Variants in PDE10A observed in about 807,000 individuals in gnomAD.
PDE10A encodes phosphodiesterase 10A, also known as cAMP and cAMP-inhibited cGMP 3',5'-cyclic phosphodiesterase 10A.
Under a neutral mutation model 97.7 loss-of-function variants are expected in PDE10A, and 39 were observed. The observed-to-expected ratio is 0.40, with a 90% CI of 0.31 to 0.52. The LOEUF (loss-of-function observed/expected upper bound fraction) is 0.52. Ranked by LOEUF, PDE10A falls within the 20% of genes least tolerant of loss-of-function variation. The pLI, the probability that PDE10A is intolerant of heterozygous loss-of-function variation, is 0.56. For synonymous variants in PDE10A, 371 were observed against 376.8 expected (o/e 0.98, Z 0.18); for missense variants, 731 against 1,047.8 (o/e 0.70, Z 4.17).
intron 3 of PDE10A, among the ~76,000 whole-genome samples, chr6:165,470,925 G>A (rs1044798504): frequency 3.9e-5 from 6 of 152,070 alleles, no homozygotes; most frequent in Non-Finnish European, 5.9e-5. Flanking sequence ...AAACAAAACC[G>A]GAGCTTTTTG....
intron 1 of PDE10A, among the ~76,000 whole-genome samples, chr6:165,813,407 A>G (rs983526162): frequency 1.3e-5 from 2 of 152,026 alleles, no homozygotes; most frequent in African/African-American, 4.8e-5. Context: ...AGACATGGAG[A>G]CGTGACCGTC....
intron 1 of PDE10A, among the ~76,000 whole-genome samples, chr6:165,592,086 T>C (rs912573471): frequency 4.6e-5 from 7 of 152,204 alleles, no homozygotes; most frequent in African/African-American, 1.4e-4. Flanking sequence ...CAAAACAGCA[T>C]GGTACTGATA....
chr6:165,718,644 C>A (rs1792086819), intron 1 of PDE10A, among the ~76,000 whole-genome samples: 3 of 151,852 alleles, frequency 2.0e-5, no homozygotes, highest in Non-Finnish European at 4.4e-5. Context: ...GAACCCCCAC[C>A]TTTTCCCCCC....
chr6:165,561,757 G>A (rs1784535426), intron 1 of PDE10A, among the ~76,000 whole-genome samples: 1 of 152,140 alleles, frequency 6.6e-6, no homozygotes, highest in Non-Finnish European at 1.5e-5. Context: ...ATTGGTGCCA[G>A]AAGTTCATGA....
chr6:165,533,389 C>A (rs1782897799), intron 2 of PDE10A, among the ~76,000 whole-genome samples: 2 of 152,116 alleles, frequency 1.3e-5, no homozygotes. Context: ...CTCTCCCAGG[C>A]TCCAAACCTG....
chr6:165,933,564 T>G (rs1210890997), intron 1 of PDE10A, among the ~76,000 whole-genome samples: 5 of 152,164 alleles, frequency 3.3e-5, no homozygotes, highest in African/African-American at 1.2e-4. Flanking sequence ...TTATACAAAT[T>G]CACATGGGAA....
chr6:165,339,469 G>A, intron 19 of PDE10A, 111 bp from the exon 20 acceptor site: 2 of 712,768 alleles, frequency 2.8e-6, no homozygotes, highest in South Asian at 3.4e-5. Flanking sequence ...AACAAATAAT[G>A]TTTGTGGTTG....
chr6:165,739,014 T>A (rs1792652252), intron 1 of PDE10A, among the ~76,000 whole-genome samples: 1 of 152,234 alleles, frequency 6.6e-6, no homozygotes, highest in South Asian at 2.1e-4. Flanking sequence ...AATGGAAAGA[T>A]ATCCTGTCTT....
At chr6:165,475,302 C>A (rs921636534) in intron 3 of PDE10A, among the ~76,000 whole-genome samples, 1 of 152,020 alleles carries the variant, frequency 6.6e-6, no homozygotes, top group Non-Finnish European at 1.5e-5. Context: ...TTCTTAAATG[C>A]ATTAACAGAA....
At chr6:165,709,275 C>G (rs1229499198) in intron 1 of PDE10A, among the ~76,000 whole-genome samples, 8 of 143,088 alleles carry the variant, frequency 5.6e-5, no homozygotes, top group African/African-American at 1.8e-4. Flanking sequence ...TGCTGCCACG[C>G]TGTCCTCCCA....
intron 1 of PDE10A, among the ~76,000 whole-genome samples, chr6:165,837,768 C>G (rs1310567486): frequency 6.6e-6 from 1 of 150,518 alleles, no homozygotes; most frequent in Non-Finnish European, 1.5e-5. Flanking sequence ...TCACTGCAAG[C>G]TCCGCCTCCC....
chr6:165,352,334 A>C (rs754379017), intron 18 of PDE10A, among the ~76,000 whole-genome samples: 3 of 152,170 alleles, frequency 2.0e-5, no homozygotes, highest in Non-Finnish European at 4.4e-5. Flanking sequence ...CAAGTCTGCC[A>C]TTTATTTCTC....
At chr6:165,745,601 T>C (rs976884410) in intron 1 of PDE10A, among the ~76,000 whole-genome samples, 2 of 152,234 alleles carry the variant, frequency 1.3e-5, no homozygotes, top group Admixed American at 6.5e-5. Context: ...GTTTTATTTA[T>C]AATATAAAAC....
intron 1 of PDE10A, among the ~76,000 whole-genome samples, chr6:165,826,369 T>C (rs75869924): frequency 7.6e-6 from 1 of 131,416 alleles, no homozygotes; most frequent in Non-Finnish European, 1.8e-5. Context: ...CCTCTGTCCT[T>C]GCATCCCTCT....
chr6:165,574,554 T>G (rs1403746599), intron 1 of PDE10A, among the ~76,000 whole-genome samples: 1 of 152,226 alleles, frequency 6.6e-6, no homozygotes, highest in Non-Finnish European at 1.5e-5. Context: ...GACTTAAAAA[T>G]CATTTTAAAA....
intron 5 of PDE10A, 144 bp from the exon 6 acceptor site, chr6:165,435,521 T>A (rs1249207233): frequency 1.7e-6 from 1 of 591,234 alleles, no homozygotes; most frequent in Admixed American, 3.8e-5. Context: ...TTTGCCATGA[T>A]CAAACCAGAT....
chr6:165,564,321 C>T (rs992586767), intron 1 of PDE10A, among the ~76,000 whole-genome samples: 1 of 152,110 alleles, frequency 6.6e-6, no homozygotes, highest in African/African-American at 2.4e-5. Context: ...ACCCAAGGCT[C>T]TCTAGTCCTG....
intron 3 of PDE10A, among the ~76,000 whole-genome samples, chr6:165,472,667 T>A (rs1467835302): frequency 6.6e-6 from 1 of 152,142 alleles, no homozygotes; most frequent in African/African-American, 2.4e-5. Context: ...AATGTCAAAT[T>A]AGGAATTCAA....
chr6:165,527,344 C>A (rs1324076706), intron 2 of PDE10A, among the ~76,000 whole-genome samples: 1 of 152,166 alleles, frequency 6.6e-6, no homozygotes, highest in Non-Finnish European at 1.5e-5. Flanking sequence ...CAGGTCCAGG[C>A]TAACATGCAA....
Sources: allele counts gnomAD v4.1 joint callset (sites outside exome capture counted in the v4.1 genomes callset), GRCh38; gene constraint gnomAD v4.1.1; transcripts MANE v1.5; gene names NCBI Gene and HGNC (gene_info 2026-07-23, HGNC 2026-07-21).